Variants in SNX2 observed in about 807,000 individuals in gnomAD.
SNX2 encodes the protein sorting nexin 2, also known as sorting nexin-2.
In SNX2, 25 loss-of-function variants were observed where a neutral mutation model predicts 69.9. That is an observed-to-expected ratio of 0.36 (90% CI 0.26 to 0.50). SNX2 has a LOEUF of 0.50. Among genes scored for constraint, SNX2 ranks in the 20% least tolerant of loss-of-function variants. The pLI is 0.97. For synonymous variants in SNX2, 229 were observed against 200.4 expected (o/e 1.14, Z -1.20); for missense variants, 551 against 613.3 (o/e 0.90, Z 1.07).
At chr5:122,810,020 A>T (rs1226211402) in intron 7 of SNX2, among the ~76,000 whole-genome samples, 1 of 151,970 alleles carries the variant, frequency 6.6e-6, no homozygotes, top group Non-Finnish European at 1.5e-5. Context: ...TGTGGATAGA[A>T]GTAGACATGG....
At chr5:122,790,612 G>T (rs141153397) in intron 1 of SNX2, among the ~76,000 whole-genome samples, 5 of 152,278 alleles carry the variant, frequency 3.3e-5, no homozygotes, top group East Asian at 1.9e-4. Context: ...TGTCAGAAGT[G>T]GGGGAGGAAG....
At chr5:122,786,306 T>C (rs1488034179) in intron 1 of SNX2, among the ~76,000 whole-genome samples, 1 of 152,188 alleles carries the variant, frequency 6.6e-6, no homozygotes, top group Admixed American at 6.5e-5. Flanking sequence ...TAGCCATCTC[T>C]GTTTCCTAAT....
At chr5:122,782,734 G>A (rs1011401706) in intron 1 of SNX2, among the ~76,000 whole-genome samples, 3 of 151,316 alleles carry the variant, frequency 2.0e-5, no homozygotes, top group Non-Finnish European at 4.4e-5. Flanking sequence ...ATAGGGTTTC[G>A]CCATGTTAGC....
At chr5:122,820,848 G>C (rs1754008667) in intron 11 of SNX2, among the ~76,000 whole-genome samples, 1 of 152,100 alleles carries the variant, frequency 6.6e-6, no homozygotes, top group African/African-American at 2.4e-5. Context: ...GAGTGAAAAA[G>C]AAAACAAATT....
intron 3 of SNX2, among the ~76,000 whole-genome samples, chr5:122,800,807 ATAGTGT>A (rs35569649): frequency 0.4 from 59,984 of 151,632 alleles, 12,347 homozygotes; most frequent in African/African-American, 0.48. Context: ...TTGCATTTAG[ATAGTGT>A]TAGACTATTA....
chr5:122,830,939 G>A lies in SNX2; in HGVS notation c.*1291G>A, dbSNP rs1201346145. On this transcript the variant is annotated 3_prime_UTR_variant, in exon 15 of 15. Transcript: ENST00000379516. ...CACAAGAATCGCTTGAACCAGGAAG[G>A]TGGAGGTTGCAGTGAGCCAAGATCA... 6.7e-6 allele frequency among the ~76,000 whole-genome samples: 1 copy of A among 149,594 alleles called. No homozygotes were observed. Among genetic ancestry groups the A allele is most frequent in the Non-Finnish European group, 1.5e-5 (1 of 67,646 alleles).
At chr5:122,802,884 C>T (rs1753548095) in intron 5 of SNX2, among the ~76,000 whole-genome samples, 2 of 152,020 alleles carry the variant, frequency 1.3e-5, no homozygotes, top group South Asian at 2.1e-4. Flanking sequence ...GAGAAGGATG[C>T]CTAGGTTATT....
Position 122,819,452 on chromosome 5 carries a change from T to G in SNX2, c.1212+429T>G, listed in dbSNP as rs75016863. 2.0e-5 allele frequency among the ~76,000 whole-genome samples: 3 copies of G among 152,306 alleles called. No homozygotes were observed. The East Asian group carries it at 5.8e-4, about 29-fold the overall frequency. The stretch of plus-strand genomic sequence containing the variant: ...ATGGGGGCTTTATCATAAATTTGGA[T>G]GTAATCAGACTTTGTATCCTCAAAT... On this transcript the variant is annotated intron_variant, in intron 11 of 14. Coordinates refer to ENST00000379516, the MANE Select transcript of SNX2 (RefSeq NM_003100.4).
intron 5 of SNX2, among the ~76,000 whole-genome samples, chr5:122,802,675 T>C (rs973018106): frequency 6.6e-6 from 1 of 152,154 alleles, no homozygotes; most frequent in Non-Finnish European, 1.5e-5. Flanking sequence ...GGTCAGGATT[T>C]CCAGTTAAAG....
At chr5:122,775,620 C>T (rs72794678) in intron 1 of SNX2, 19,871 of 988,848 alleles carry the variant, frequency 0.02, 231 homozygotes, top group Non-Finnish European at 0.022. Context: ...GAGGGTGTGC[C>T]GCTGCCAGGG....
chr5:122,801,725 ATTG>A (rs1561456545), intron 3 of SNX2, 141 bp from the exon 4 acceptor site: 3 of 469,656 alleles, frequency 6.4e-6, no homozygotes, highest in African/African-American at 2.3e-5. Context: ...GAAAGTTTTT[ATTG>A]TTTTTCAAAA....
At chr5:122,795,227 C>T in intron 1 of SNX2, 39 bp from the exon 2 acceptor site, 2 of 1,292,618 alleles carry the variant, frequency 1.5e-6, no homozygotes, top group South Asian at 1.2e-5. Flanking sequence ...AACAGGTAAA[C>T]ATGCCAATCC....
At chr5:122,792,552 G>A (rs1299011058) in intron 1 of SNX2, among the ~76,000 whole-genome samples, 4 of 151,130 alleles carry the variant, frequency 2.6e-5, no homozygotes, top group Middle Eastern at 3.2e-3. Context: ...AGCCGAGATC[G>A]TGCCATTGCA....
At chr5:122,825,193 T>C (rs1343321734) in intron 11 of SNX2, among the ~76,000 whole-genome samples, 1 of 152,154 alleles carries the variant, frequency 6.6e-6, no homozygotes, top group Non-Finnish European at 1.5e-5. Flanking sequence ...GTTCACCCAA[T>C]TTATTAACAT....
chr5:122,780,992 C>A (rs1362032688), intron 1 of SNX2, among the ~76,000 whole-genome samples: 1 of 152,152 alleles, frequency 6.6e-6, no homozygotes, highest in Non-Finnish European at 1.5e-5. Flanking sequence ...TATTTAAATG[C>A]ATTAAGCATG....
chr5:122,794,442 T>G (rs923537107), intron 1 of SNX2, among the ~76,000 whole-genome samples: 4 of 152,352 alleles, frequency 2.6e-5, no homozygotes, highest in Admixed American at 1.3e-4. Flanking sequence ...CAACTAGTAG[T>G]AAGTTTTCCT....
At chr5:122,789,512 C>G (rs867038325) in intron 1 of SNX2, among the ~76,000 whole-genome samples, 1 of 151,184 alleles carries the variant, frequency 6.6e-6, no homozygotes, top group African/African-American at 2.4e-5. Context: ...CACTCTTCCT[C>G]TAGCCCGAAA....
intron 11 of SNX2, 119 bp from the exon 12 acceptor site, chr5:122,825,931 A>G: frequency 3.7e-6 from 3 of 819,606 alleles, no homozygotes; most frequent in Non-Finnish European, 5.4e-6. Context: ...GTATCTTAGT[A>G]TATTAGAATA....
rs1277988853 is a variant in SNX2, at chr5:122,799,770, C to T, written c.305C>T (p.Pro102Leu). The stretch of plus-strand genomic sequence containing the variant: ...TCGGAACCTTCTCCTGCAGTCACAC[C>T]TGTCACTCCTACTACACTCATTGCT... ...LSSEPSPAVTPVTPTTLIAPR... is the reference protein window; with the variant it reads ...LSSEPSPAVTLVTPTTLIAPR... Residue 102 changes from proline (P) to leucine (L), a missense_variant, in exon 3 of 15, where the codon CCT becomes CTT. Coordinates refer to ENST00000379516, the MANE Select transcript of SNX2 (RefSeq NM_003100.4). 5.0e-6 allele frequency: 8 copies of T among 1,613,612 alleles called. No homozygotes were observed. The highest frequency in any genetic ancestry group is 5.1e-6 in the Non-Finnish European group (6 of 1,179,612).
Sources: gnomAD v4.1 joint callset for allele counts (sites outside exome capture counted in the v4.1 genomes callset) on GRCh38, gnomAD v4.1.1 for gene constraint, MANE v1.5 for transcripts, NCBI Gene and HGNC (gene_info 2026-07-23, HGNC 2026-07-21) for gene names.